PSD3: variants seen among roughly 807,000 people sequenced by gnomAD.
PSD3 encodes PH and SEC7 domain-containing protein 3.
A neutral mutation model predicts 105.5 loss-of-function variants in PSD3; 49 were observed. The ratio of observed to expected loss-of-function variants is 0.46; its 90% CI spans 0.37 to 0.59. The LOEUF (loss-of-function observed/expected upper bound fraction) is 0.59. PSD3 is among the 20% of genes least tolerant of loss of function. The pLI is 0.00. For synonymous variants in PSD3, 557 were observed against 457.8 expected (o/e 1.22, Z -2.77); for missense variants, 1,561 against 1,263.8 (o/e 1.24, Z -3.57).
At chr8:18,715,887 G>A (rs1802554214) in intron 9 of PSD3, among the ~76,000 whole-genome samples, 2 of 152,230 alleles carry the variant, frequency 1.3e-5, no homozygotes, top group Admixed American at 1.3e-4. Context: ...TCTAGGTAGA[G>A]ACAGACACAG....
intron 12 of PSD3, among the ~76,000 whole-genome samples, chr8:18,595,225 A>T (rs1233969991): frequency 7.7e-6 from 1 of 129,692 alleles, no homozygotes; most frequent in Non-Finnish European, 1.8e-5. Flanking sequence ...AAACAAACAA[A>T]CAAAAAAAAC....
chr8:18,717,857 T>C (rs762263997), intron 9 of PSD3, among the ~76,000 whole-genome samples: 10 of 152,186 alleles, frequency 6.6e-5, no homozygotes, highest in Non-Finnish European at 1.2e-4. Flanking sequence ...CTAGCTCCCT[T>C]ACGAACATTA....
chr8:18,650,188 G>A (rs575921234), intron 10 of PSD3, among the ~76,000 whole-genome samples: 11 of 152,182 alleles, frequency 7.2e-5, no homozygotes, highest in East Asian at 5.8e-4. Context: ...TGTGTTAATC[G>A]TTGTATTTTC....
At chr8:18,985,420 C>T (rs1825453106) in intron 1 of PSD3, among the ~76,000 whole-genome samples, 1 of 152,244 alleles carries the variant, frequency 6.6e-6, no homozygotes, top group African/African-American at 2.4e-5. Context: ...CAATCACTGT[C>T]CTATTGTGTT....
chr8:18,571,139 G>C (rs1486000446), intron 14 of PSD3, among the ~76,000 whole-genome samples: 1 of 152,064 alleles, frequency 6.6e-6, no homozygotes, highest in Non-Finnish European at 1.5e-5. Flanking sequence ...GGGATTACAG[G>C]CATGAGCCAC....
At chr8:18,580,469 G>A (rs998700577) in intron 12 of PSD3, among the ~76,000 whole-genome samples, 3 of 152,038 alleles carry the variant, frequency 2.0e-5, no homozygotes, top group Non-Finnish European at 4.4e-5. Context: ...CCTATTGGTT[G>A]AGCCTAGGAG....
intron 1 of PSD3, among the ~76,000 whole-genome samples, chr8:19,045,487 T>C (rs1828286802): frequency 6.6e-6 from 1 of 152,158 alleles, no homozygotes; most frequent in Admixed American, 6.5e-5. Flanking sequence ...GGACAAACAA[T>C]AAGCATTTCT....
intron 9 of PSD3, among the ~76,000 whole-genome samples, chr8:18,702,838 T>G (rs886795830): frequency 2.0e-5 from 3 of 152,054 alleles, no homozygotes; most frequent in African/African-American, 7.2e-5. Flanking sequence ...GGTCTCGATC[T>G]CCTGACCTCA....
At chr8:18,770,979 G>C (rs891477835) in intron 8 of PSD3, among the ~76,000 whole-genome samples, 16 of 152,236 alleles carry the variant, frequency 1.1e-4, no homozygotes, top group African/African-American at 3.4e-4. Context: ...AAAGGGGACA[G>C]AGTGGGAAGG....
chr8:19,055,071 T>C (rs1422072889), intron 1 of PSD3, among the ~76,000 whole-genome samples: 2 of 152,196 alleles, frequency 1.3e-5, no homozygotes, highest in Non-Finnish European at 2.9e-5. Flanking sequence ...CTGATTCCTC[T>C]ACTTGATCTC....
chr8:19,028,171 C>T (rs907830484), intron 1 of PSD3, among the ~76,000 whole-genome samples: 1 of 151,734 alleles, frequency 6.6e-6, no homozygotes, highest in African/African-American at 2.4e-5. Context: ...TCTGGCATAT[C>T]TTCATGATAA....
At chr8:18,763,889 A>G (rs190842241) in intron 9 of PSD3, among the ~76,000 whole-genome samples, 19 of 152,124 alleles carry the variant, frequency 1.2e-4, no homozygotes, top group Non-Finnish European at 2.5e-4. Flanking sequence ...TCTTCTCACA[A>G]CAAAAAAACA....
At chr8:18,781,354 G>C (rs1808604152) in intron 8 of PSD3, among the ~76,000 whole-genome samples, 1 of 152,142 alleles carries the variant, frequency 6.6e-6, no homozygotes, top group Admixed American at 6.5e-5. Context: ...CCTAGGTCTT[G>C]GGAGTAAAGG....
chr8:18,621,002 T>G (rs1346807278), intron 11 of PSD3, among the ~76,000 whole-genome samples: 1 of 152,222 alleles, frequency 6.6e-6, no homozygotes, highest in Admixed American at 6.5e-5. Flanking sequence ...AAAAATCACA[T>G]GCACAGTGAA....
chr8:18,826,640 T>C (rs1046866567), intron 4 of PSD3, among the ~76,000 whole-genome samples: 3 of 152,214 alleles, frequency 2.0e-5, no homozygotes, highest in African/African-American at 7.2e-5. Flanking sequence ...ATCTACTGTG[T>C]TATCTTTGAA....
intron 8 of PSD3, among the ~76,000 whole-genome samples, chr8:18,776,700 G>A (rs1176203531): frequency 6.6e-6 from 1 of 152,132 alleles, no homozygotes; most frequent in Non-Finnish European, 1.5e-5. Context: ...ATGTCTGACA[G>A]AACTGAGCAG....
chr8:19,008,763 C>G (rs1826818096), intron 1 of PSD3, among the ~76,000 whole-genome samples: 1 of 152,190 alleles, frequency 6.6e-6, no homozygotes. Context: ...TTCACTTTTT[C>G]TTAGCAAAGG....
At chr8:18,965,424 G>A (rs1417140080) in intron 1 of PSD3, among the ~76,000 whole-genome samples, 1 of 152,180 alleles carries the variant, frequency 6.6e-6, no homozygotes, top group African/African-American at 2.4e-5. Flanking sequence ...GGCTGTGCTG[G>A]TAAGGCCTTG....
chr8:18,538,754 T>C (rs1799974130), intron 15 of PSD3, among the ~76,000 whole-genome samples: 1 of 152,138 alleles, frequency 6.6e-6, no homozygotes, highest in African/African-American at 2.4e-5. Context: ...GAAAAATACA[T>C]GAAGGAAAGC....
Sources: allele counts gnomAD v4.1 joint callset (sites outside exome capture counted in the v4.1 genomes callset), GRCh38; gene constraint gnomAD v4.1.1; transcripts MANE v1.5; gene names NCBI Gene and HGNC (gene_info 2026-07-23, HGNC 2026-07-21).